MYZAP: variants seen among roughly 807,000 people sequenced by gnomAD.
MYZAP encodes the protein myocardial zonula adherens protein, also known as GRINL1A complex locus upstream.
A neutral mutation model predicts 69.4 loss-of-function variants in MYZAP; 66 were observed. The ratio of observed to expected loss-of-function variants is 0.95; its 90% confidence interval spans 0.78 to 1.17. The LOEUF (loss-of-function observed/expected upper bound fraction) is 1.17, where lower values mean the gene tolerates loss of function less well. Ranked by LOEUF, MYZAP falls within the 50% of genes most tolerant of loss-of-function variation. The pLI is 0.00. For missense variants in MYZAP, 611 were observed against 556.2 expected, an observed-to-expected ratio of 1.10 and a Z score of -0.99; for synonymous variants, 256 against 205.9, an observed-to-expected ratio of 1.24 and a Z score of -2.09.
Position 57,591,949 on chromosome 15 carries a change from T to C in MYZAP, c.-86T>C. 8.5e-7 allele frequency: 1 copy of C among 1,176,178 alleles called. No individual in the cohort carries two copies. The highest frequency in any genetic ancestry group is 1.1e-6 in the Non-Finnish European group (1 of 938,820). 72.9% of individuals were successfully genotyped at this position (1,176,178 alleles called of 1,614,324 possible). A position where few individuals can be genotyped will look rare whatever the true frequency, so the allele number is the denominator to read the frequency against. ...TGCAAGTAGCCGGCGCCGTCCCGCG[T>C]CGCCCCCGCGCAGGGCGGGCCCCGC... On this transcript the variant is annotated 5_prime_UTR_variant, in exon 1 of 13. Transcript: ENST00000267853.
At chr15:57,622,287 T>G (rs2035866795) in intron 4 of MYZAP, among the ~76,000 whole-genome samples, 2 of 152,016 alleles carry the variant, frequency 1.3e-5, no homozygotes, top group Admixed American at 1.3e-4. Context: ...TCAACTATAA[T>G]AAGTGGAAAG....
intron 1 of MYZAP, chr15:57,599,386 T>A: frequency 3.2e-6 from 3 of 924,410 alleles, no homozygotes; most frequent in Non-Finnish European, 4.0e-6. Flanking sequence ...CGTACCCTCA[T>A]AGTCCCTAAA....
intron 12 of MYZAP, among the ~76,000 whole-genome samples, chr15:57,676,807 A>G (rs1012234460): frequency 6.6e-6 from 1 of 152,202 alleles, no homozygotes; most frequent in Non-Finnish European, 1.5e-5. Flanking sequence ...GAAACCACAA[A>G]GCGGTTTTCA....
intron 11 of MYZAP, among the ~76,000 whole-genome samples, chr15:57,664,483 C>T (rs2038472575): frequency 6.6e-6 from 1 of 152,178 alleles, no homozygotes; most frequent in African/African-American, 2.4e-5. Context: ...CGACGCTGTT[C>T]CTTGCTAATT....
chr15:57,673,072 A>G (rs572336807), intron 11 of MYZAP, among the ~76,000 whole-genome samples: 1 of 152,200 alleles, frequency 6.6e-6, no homozygotes, highest in South Asian at 2.1e-4. Flanking sequence ...TAATTTTTCT[A>G]CTGATTGCAT....
chr15:57,634,279 TGGAGGAAGG>T (rs1389553832), intron 8 of MYZAP, among the ~76,000 whole-genome samples: 7 of 150,682 alleles, frequency 4.6e-5, no homozygotes, highest in African/African-American at 1.7e-4. Context: ...AAGTAGGAAG[TGGAGGAAGG>T]GGAGGAAGTG....
chr15:57,643,740 TG>T (rs372144649), intron 10 of MYZAP, among the ~76,000 whole-genome samples: 124 of 146,866 alleles, frequency 8.4e-4, no homozygotes, highest in Middle Eastern at 7.0e-3. Context: ...GTTTTTTTTT[TG>T]TTTTTTTTTT....
Position 57,604,949 on chromosome 15 carries a change from T to C in MYZAP, c.162+594T>C, listed in dbSNP as rs7169708. On this transcript the variant is annotated intron_variant, in intron 2 of 12. Transcript: ENST00000267853. ...TTCTGGGTGAGACGATGATGTGATA[T>C]TTCAGGTGTTAAGATCCAGCCCTAT... 6.1e-3 allele frequency among the ~76,000 whole-genome samples: 922 copies of C among 152,304 alleles called. 15 individuals are homozygous for C. Among genetic ancestry groups the C allele is most frequent in the African/African-American group, 0.021 (872 of 41,556 alleles).
intron 10 of MYZAP, among the ~76,000 whole-genome samples, chr15:57,655,979 T>G (rs2037991979): frequency 4.6e-5 from 7 of 152,212 alleles, no homozygotes; most frequent in Admixed American, 3.3e-4. Flanking sequence ...TGGTTTGAGT[T>G]TGGTAACTTG....
At position 57,676,397 on chromosome 15, in the gene MYZAP, AAT is replaced by A. The variant is rs746918729; in HGVS notation, c.1304+1340_1304+1341del. Among the ~76,000 whole-genome samples the A allele has an allele frequency of 9.5e-3, 1,319 of 139,344 alleles. 19 individuals are homozygous for A. The highest frequency in any genetic ancestry group is 0.033 in the African/African-American group (1,209 of 36,810). The allele number at this position is 139,344 out of a possible 152,430, so 91.4% of individuals were successfully genotyped here. On this transcript the variant is annotated intron_variant, in intron 12 of 12. Coordinates refer to ENST00000267853, the MANE Select transcript of MYZAP (RefSeq NM_001018100.5). ...CCAATATAATTAATAGAAAATGTTG[AAT>A]ATATATATATGTATATATATGTGTA... is the stretch of plus-strand genomic sequence containing the variant.
rs1284688823 is a variant in MYZAP at position 57,679,361 on chromosome 15, TGTGTGTGTGTGTGTTTC to T, written c.1304+4294_1304+4310del. ...CTCTTTGTGTGTGTGTGTGTGTGTG[TGTGTGTGTGTGTGTTTC>T]TCTCTCTCTCTCTCTCTGTCTCCTC... On this transcript the variant is annotated intron_variant, in intron 12 of 12. Transcript: ENST00000267853. Among the ~76,000 whole-genome samples, 95 of 40,578 alleles carry T rather than the reference TGTGTGTGTGTGTGTTTC, an allele frequency of 2.3e-3. 1 individual carries two copies. The highest frequency in any genetic ancestry group is 7.3e-3 in the African/African-American group (91 of 12,522). The allele number at this position is 40,578 out of a possible 152,430, so 26.6% of individuals were successfully genotyped here.
intron 1 of MYZAP, among the ~76,000 whole-genome samples, chr15:57,593,841 T>A (rs1213439033): frequency 6.6e-6 from 1 of 152,210 alleles, no homozygotes. Context: ...GCTCATGATT[T>A]GCAGATGTTA....
At position 57,684,968 on chromosome 15, in the gene MYZAP, A is replaced by G. The variant is rs2039624046; in HGVS notation, c.*470A>G. ...CTGTCCACAAGAAGCATGGGCACCC[A>G]GCCAAACTTGAACCTGGAAGGGAGG... On this transcript the variant is annotated 3_prime_UTR_variant, in exon 13 of 13. Coordinates refer to ENST00000267853, the MANE Select transcript of MYZAP (RefSeq NM_001018100.5). 6.5e-6 allele frequency: 1 copy of G among 153,394 alleles called. No individual in the cohort carries two copies. The highest frequency in any genetic ancestry group is 2.0e-4 in the South Asian group (1 of 4,898). The allele number at this position is 153,394 out of a possible 1,614,324, so 9.5% of individuals were successfully genotyped here. A position where few individuals can be genotyped will look rare whatever the true frequency, so the allele number is the denominator to read the frequency against.
chr15:57,628,582 A>G (rs1190318327), intron 5 of MYZAP, among the ~76,000 whole-genome samples: 1 of 152,166 alleles, frequency 6.6e-6, no homozygotes, highest in Non-Finnish European at 1.5e-5. Flanking sequence ...TCCTTGCTTC[A>G]GTGCGGCCTG....
At chr15:57,668,478 T>C (rs940818660) in intron 11 of MYZAP, among the ~76,000 whole-genome samples, 5 of 152,200 alleles carry the variant, frequency 3.3e-5, no homozygotes, top group Non-Finnish European at 4.4e-5. Flanking sequence ...TTCAGTGTTA[T>C]AGCTTTTAGA....
intron 11 of MYZAP, among the ~76,000 whole-genome samples, chr15:57,666,754 C>A (rs1200101561): frequency 6.6e-6 from 1 of 152,052 alleles, no homozygotes. Context: ...TCAGTCATAC[C>A]CCACACCTCA....
intron 8 of MYZAP, among the ~76,000 whole-genome samples, chr15:57,635,777 G>A (rs1237656165): frequency 1.3e-5 from 2 of 152,378 alleles, no homozygotes; most frequent in East Asian, 3.9e-4. Context: ...CTGTGGCAGT[G>A]TACGTATCCT....
At chr15:57,607,809 AGGGGTAACT>A (rs2034851022) in intron 2 of MYZAP, among the ~76,000 whole-genome samples, 1 of 152,134 alleles carries the variant, frequency 6.6e-6, no homozygotes, top group African/African-American at 2.4e-5. Context: ...TGAAGTTTCT[AGGGGTAACT>A]GGGAGGCTGC....
chr15:57,610,880 G>A lies in MYZAP; in HGVS notation c.162+6525G>A, dbSNP rs577592972. ...TTTTTCTAACCTTCTGAGACTTTGT[G>A]ATTCACTACCCATGAAGAGAAACCA... is the stretch of plus-strand genomic sequence containing the variant. On this transcript the variant is annotated intron_variant, in intron 2 of 12. Coordinates refer to ENST00000267853, the MANE Select transcript of MYZAP (RefSeq NM_001018100.5). Among the ~76,000 whole-genome samples, 287 of 152,242 alleles carry A rather than the reference G, an allele frequency of 1.9e-3. 1 individual carries two copies. Among genetic ancestry groups the A allele is most frequent in the Non-Finnish European group, 3.2e-3 (215 of 68,024 alleles).
Sources: gnomAD v4.1 joint callset for allele counts (sites outside exome capture counted in the v4.1 genomes callset) on GRCh38, gnomAD v4.1.1 for gene constraint, MANE v1.5 for transcripts, NCBI Gene and HGNC (gene_info 2026-07-23, HGNC 2026-07-21) for gene names.